ADPRM: variants seen among roughly 807,000 people sequenced by gnomAD.
ADPRM encodes manganese-dependent ADP-ribose/CDP-alcohol diphosphatase.
ADPRM carries 17 observed loss-of-function variants against 27.2 expected under a neutral mutation model. The ratio of observed to expected loss-of-function variants is 0.63; its 90% CI spans 0.43 to 0.94. ADPRM has a LOEUF of 0.94. Ranked by LOEUF, ADPRM falls within the 40% of genes least tolerant of loss-of-function variation. The pLI, the probability that ADPRM is intolerant of heterozygous loss-of-function variation, is 0.00. For synonymous variants in ADPRM, 135 were observed against 145.3 expected (o/e 0.93, Z 0.51); for missense variants, 337 against 412.8 (o/e 0.82, Z 1.59).
intron 1 of ADPRM, among the ~76,000 whole-genome samples, chr17:10,703,172 T>C (rs2074790186): frequency 7.2e-6 from 1 of 139,216 alleles, no homozygotes. Flanking sequence ...AATCTGAACT[T>C]GGAATCGCAA....
At chr17:10,698,514 C>T (rs556223730) in intron 1 of ADPRM, 1 of 152,326 alleles carries the variant, frequency 6.6e-6, no homozygotes, top group East Asian at 1.9e-4. Context: ...CTCTAATTAT[C>T]TTCCTTAACT....
chr17:10,702,928 T>G lies in ADPRM; in HGVS notation c.-17-1982T>G, dbSNP rs984247459. On this transcript the variant is annotated intron_variant, in intron 1 of 3. Coordinates refer to ENST00000379774, the MANE Select transcript of ADPRM (RefSeq NM_020233.5). This position sits in a 1 kb window ranked among gnomAD's most constrained non-coding sequence, Gnocchi z 4.2. ...CAATTCATTGGGACTAAATCCCCTC[T>G]AGGAGATCCACAATACATATTATCA... Among the ~76,000 whole-genome samples, 3 of 152,140 alleles carry G rather than the reference T, an allele frequency of 2.0e-5. No homozygotes were observed. The highest frequency in any genetic ancestry group is 7.2e-5 in the African/African-American group (3 of 41,424).
rs539316390 is a variant in ADPRM at position 10,705,211 on chromosome 17, C to G, written c.285C>G (p.Asp95Glu). The change falls in exon 2 of 4, where the codon GAC becomes GAG. Residue 95 changes from aspartate (D) to glutamate (E), a missense_variant. Coordinates refer to ENST00000379774, the MANE Select transcript of ADPRM (RefSeq NM_020233.5). The surrounding 1 kb of genome is among the most constrained non-coding windows in gnomAD (Gnocchi z 5.4). ...AAAAGTCCCTAGAACTTGTTATGGA[C>G]ATGTTCAAGAGGCTTAAAGTTCCAG... ...ASKKSLELVM[D>E]MFKRLKVPVH... is the part of the protein sequence containing the mutation. 2 of 1,614,024 alleles carry G rather than the reference C, an allele frequency of 1.2e-6. No homozygotes were observed. Among genetic ancestry groups the G allele is most frequent in the African/African-American group, 2.7e-5 (2 of 74,994 alleles).
At chr17:10,707,258 C>A (rs2074818940) in intron 3 of ADPRM, among the ~76,000 whole-genome samples, 1 of 152,114 alleles carries the variant, frequency 6.6e-6, no homozygotes, top group Non-Finnish European at 1.5e-5. Context: ...GCCTGTAGTT[C>A]CAGCCACTTG....
intron 3 of ADPRM, among the ~76,000 whole-genome samples, chr17:10,709,407 G>A (rs448626): frequency 0.5 from 75,692 of 151,916 alleles, 19,644 homozygotes; most frequent in African/African-American, 0.65. Context: ...GAGATCACCA[G>A]TGCATTCAGT....
In ADPRM at chr17:10,702,905, A is replaced by T. The variant is rs921477084; in HGVS notation, c.-17-2005A>T. Among the ~76,000 whole-genome samples, 1 of 152,194 alleles carries T rather than the reference A, an allele frequency of 6.6e-6. No homozygotes were observed. Among genetic ancestry groups the T allele is most frequent in the African/African-American group, 2.4e-5 (1 of 41,444 alleles). On this transcript the variant is annotated intron_variant, in intron 1 of 3. Coordinates refer to ENST00000379774, the MANE Select transcript of ADPRM (RefSeq NM_020233.5). The surrounding 1 kb of genome is among the most constrained non-coding windows in gnomAD (Gnocchi z 4.2). Reference sequence around the variant, plus strand: ...AGCTGTCCACTGGAGAGAAGATCCAATTCATTGGGACTAAATCCCCTCTAG... The same window carrying T: ...AGCTGTCCACTGGAGAGAAGATCCATTTCATTGGGACTAAATCCCCTCTAG...
At chr17:10,701,276 T>C (rs919854834) in intron 1 of ADPRM, among the ~76,000 whole-genome samples, 3 of 152,284 alleles carry the variant, frequency 2.0e-5, no homozygotes, top group African/African-American at 7.2e-5. Context: ...CTTCTAATTT[T>C]TCCAGATTTG....
Position 10,706,572 on chromosome 17 carries a change from C to T in ADPRM, c.718+18C>T. 6.7e-7 allele frequency: 1 copy of T among 1,490,182 alleles called. No individual in the cohort carries two copies. 92.3% of individuals were successfully genotyped at this position (1,490,182 alleles called of 1,614,324 possible). A position where few individuals can be genotyped will look rare whatever the true frequency, so the allele number is the denominator to read the frequency against. ...GATTGTGAGTAAGTATTTAATTTAT[C>T]TGATTACACTAACATTTTAGAGATT... On this transcript the variant is annotated intron_variant, in intron 3 of 3. Coordinates refer to ENST00000379774, the MANE Select transcript of ADPRM (RefSeq NM_020233.5).
chr17:10,708,450 A>AAAAAAAAAAAAAAAAAC (rs57337863), intron 3 of ADPRM, among the ~76,000 whole-genome samples: 5 of 118,938 alleles, frequency 4.2e-5, no homozygotes, highest in African/African-American at 1.7e-4. Context: ...AAAAAAAAAA[A>AAAAAAAAAAAAAAAAAC]CCTTTGAAAA....
Position 10,706,537 on chromosome 17 carries a change from A to G in ADPRM, c.701A>G (p.Glu234Gly), listed in dbSNP as rs751104088. 3.8e-6 allele frequency: 6 copies of G among 1,577,906 alleles called. No homozygotes were observed. The highest frequency in any genetic ancestry group is 5.1e-6 in the Non-Finnish European group (6 of 1,166,398). The change falls in exon 3 of 4, where the codon GAA becomes GGA. Residue 234 changes from glutamate to glycine, a missense_variant. Coordinates refer to ENST00000379774, the MANE Select transcript of ADPRM (RefSeq NM_020233.5). The stretch of plus-strand genomic sequence containing the variant: ...CTAACATTCTCTGACACAAACCAAG[A>G]AAAGGTGGTGATTGTGAGTAAGTAT... ...EVLTFSDTNQ[E>G]KVVIVSHLPI...
chr17:10,710,933 G>A lies in ADPRM; in HGVS notation c.818G>A (p.Cys273Tyr), dbSNP rs2074848950. Residue 273 changes from cysteine to tyrosine, a missense_variant, in exon 4 of 4, where the codon TGT (cysteine) becomes TAT (tyrosine). Coordinates refer to ENST00000379774, the MANE Select transcript of ADPRM (RefSeq NM_020233.5). ...ATTTGGTCTCATGAGTGTGTGGTGT[G>A]TTTCTTTGCTGGTCACACCCATGAT... ...AVIWSHECVV[C>Y]FFAGHTHDGG... is the part of the protein sequence containing the mutation. The A allele has an allele frequency of 6.2e-7, 1 of 1,614,174 alleles. No individual in the cohort carries two copies. Among genetic ancestry groups the A allele is most frequent in the East Asian group, 2.2e-5 (1 of 44,882 alleles).
intron 1 of ADPRM, 93 bp downstream of exon 1, chr17:10,697,760 C>A (rs1597512233): frequency 1.8e-6 from 1 of 568,646 alleles, no homozygotes; most frequent in East Asian, 3.1e-5. Context: ...AGGGGGCTGC[C>A]TTAGGGGTCC....
rs1276057334 is a variant in ADPRM, at chr17:10,697,659, C to T, written c.-26C>T. On this transcript the variant is annotated 5_prime_UTR_variant, in exon 1 of 4. Coordinates refer to ENST00000379774, the MANE Select transcript of ADPRM (RefSeq NM_020233.5). ...GTCAGAGGCCTTTCAGCCCAGGGGC[C>T]GGCGCACGGTAGGTAGTTCCCTGCG... 1.2e-5 allele frequency: 12 copies of T among 965,790 alleles called. No homozygotes were observed. The highest frequency in any genetic ancestry group is 1.9e-5 in the Non-Finnish European group (12 of 628,024). The allele number at this position is 965,790 out of a possible 1,614,324, so 59.8% of individuals were successfully genotyped here.
rs750148445 is a variant in ADPRM at position 10,704,913 on chromosome 17, C to G, written c.-14C>G. The G allele has an allele frequency of 1.5e-5, 23 of 1,541,544 alleles. No individual in the cohort carries two copies. Among genetic ancestry groups the G allele is most frequent in the Non-Finnish European group, 4.4e-6 (5 of 1,146,232 alleles). On this transcript the variant is annotated 5_prime_UTR_variant, in exon 2 of 4. Transcript: ENST00000379774. ...ATCGTCTTTTTACTTTATTTAGAAA[C>G]CTGTTTGGAGGTTATGGATGATAAA...
chr17:10,704,903 T>C lies in ADPRM; in HGVS notation c.-17-7T>C. 6.5e-7 allele frequency: 1 copy of C among 1,532,618 alleles called. No homozygotes were observed. The highest frequency in any genetic ancestry group is 1.3e-5 in the South Asian group (1 of 79,226). 94.9% of individuals were successfully genotyped at this position (1,532,618 alleles called of 1,614,324 possible). On this transcript the variant is annotated splice_region_variant and splice_polypyrimidine_tract_variant and intron_variant, in intron 1 of 3. Transcript: ENST00000379774. ...TAATTTAGTTATCGTCTTTTTACTT[T>C]ATTTAGAAACCTGTTTGGAGGTTAT... is the stretch of plus-strand genomic sequence containing the variant.
Position 10,697,602 on chromosome 17 carries a change from C to G in ADPRM, c.-83C>G. ...TCGGAAGGAGTCGCTCTGTCCGTCCCGCTCGTTGGTGGCGCTGTTACATAG... is the reference window on the plus strand; with the variant it reads ...TCGGAAGGAGTCGCTCTGTCCGTCCGGCTCGTTGGTGGCGCTGTTACATAG... On this transcript the variant is annotated 5_prime_UTR_variant, in exon 1 of 4. Coordinates refer to ENST00000379774, the MANE Select transcript of ADPRM (RefSeq NM_020233.5). 1 of 1,483,830 alleles carries G rather than the reference C, an allele frequency of 6.7e-7. No individual in the cohort carries two copies. Among genetic ancestry groups the G allele is most frequent in the Non-Finnish European group, 9.3e-7 (1 of 1,075,646 alleles). 91.9% of individuals were successfully genotyped at this position (1,483,830 alleles called of 1,614,324 possible).
At chr17:10,703,251 T>C (rs2074790853) in intron 1 of ADPRM, among the ~76,000 whole-genome samples, 1 of 152,178 alleles carries the variant, frequency 6.6e-6, no homozygotes, top group Non-Finnish European at 1.5e-5. Context: ...CCTGTAATTG[T>C]ATTGAAGTTA....
At chr17:10,708,429 C>CAAA (rs1206878055) in intron 3 of ADPRM, among the ~76,000 whole-genome samples, 3 of 30,540 alleles carry the variant, frequency 9.8e-5, no homozygotes, top group Non-Finnish European at 1.2e-4. Flanking sequence ...AACTCCGTCT[C>CAAA]AAAAAAAAAA....
At position 10,711,082 on chromosome 17, in the gene ADPRM, G is replaced by A; in HGVS notation, c.967G>A (p.Gly323Arg). The change falls in exon 4 of 4, where the codon GGG becomes AGG. Residue 323 changes from glycine to arginine, a missense_variant. Transcript: ENST00000379774. ...CTATCCTGACAAAATGATGTTGAAA[G>A]GGAGAGGCAGAGTTCCAGATAGAAT... Reference protein sequence around the residue: ...HVYPDKMMLKGRGRVPDRIMN... With the variant: ...HVYPDKMMLKRRGRVPDRIMN... 1 of 1,614,124 alleles carries A rather than the reference G, an allele frequency of 6.2e-7. No individual in the cohort carries two copies. Among genetic ancestry groups the A allele is most frequent in the Non-Finnish European group, 8.5e-7 (1 of 1,179,954 alleles).
Sources: gnomAD v4.1 joint callset for allele counts (sites outside exome capture counted in the v4.1 genomes callset) on GRCh38, gnomAD v4.1.1 for gene constraint, Gnocchi (gnomAD v3.1) non-coding constraint, MANE v1.5 for transcripts, NCBI Gene and HGNC (gene_info 2026-07-23, HGNC 2026-07-21) for gene names.